NR3C2: variants seen among roughly 807,000 people sequenced by gnomAD.
NR3C2 encodes the protein mineralocorticoid receptor.
In NR3C2, 15 loss-of-function variants were observed where a neutral mutation model predicts 86.4. The observed-to-expected ratio is 0.17, with a 90% CI of 0.12 to 0.27. The LOEUF (loss-of-function observed/expected upper bound fraction) is 0.27. NR3C2 is among the 10% of genes least tolerant of loss of function. NR3C2 has a pLI of 1.00. For synonymous variants in NR3C2, 458 were observed against 450.5 expected (o/e 1.02, Z -0.21); for missense variants, 960 against 1,195.6 (o/e 0.80, Z 2.91).
chr4:148,082,345 G>A (rs1034250490), intron 8 of NR3C2, among the ~76,000 whole-genome samples: 1 of 152,192 alleles, frequency 6.6e-6, no homozygotes, highest in Admixed American at 6.5e-5. Flanking sequence ...GGTGATTGCT[G>A]CATTTCCAAC....
intron 2 of NR3C2, among the ~76,000 whole-genome samples, chr4:148,377,535 C>T (rs985485542): frequency 1.3e-5 from 2 of 152,086 alleles, no homozygotes; most frequent in Non-Finnish European, 2.9e-5. Context: ...AAGGAAAAAG[C>T]AGATGAATTT....
At chr4:148,390,168 T>G (rs974593218) in intron 2 of NR3C2, among the ~76,000 whole-genome samples, 33 of 124,560 alleles carry the variant, frequency 2.6e-4, no homozygotes, top group African/African-American at 9.9e-4. Context: ...CAGGAACCCT[T>G]CAAGTATACA....
Position 148,253,329 on chromosome 4 carries a change from C to A in NR3C2, c.1897+6649G>T, listed in dbSNP as rs183137833. Among the ~76,000 whole-genome samples the A allele has an allele frequency of 3.3e-5, 5 of 152,186 alleles. No individual in the cohort carries two copies. The East Asian group carries it at 7.7e-4, about 23-fold the overall frequency. On this transcript the variant is annotated intron_variant, in intron 3 of 8. Transcript: ENST00000358102. ...CAAGGCATAATGATAAAGAACCAAA[C>A]CTAGGATTGAAAACTGCATAGATTC...
At chr4:148,303,785 A>AG (rs1742463064) in intron 2 of NR3C2, among the ~76,000 whole-genome samples, 4 of 152,226 alleles carry the variant, frequency 2.6e-5, no homozygotes, top group Admixed American at 2.6e-4. Flanking sequence ...TCATGGATAA[A>AG]GGTCACGCTA....
chr4:148,201,455 T>C (rs779226192), intron 3 of NR3C2, among the ~76,000 whole-genome samples: 8 of 152,232 alleles, frequency 5.3e-5, no homozygotes, highest in Non-Finnish European at 7.3e-5. Context: ...GTTCCTATTA[T>C]GGATGTGAAG....
chr4:148,089,016 C>T (rs1730944416), intron 8 of NR3C2, among the ~76,000 whole-genome samples: 1 of 152,114 alleles, frequency 6.6e-6, no homozygotes, highest in African/African-American at 2.4e-5. Flanking sequence ...ATGTCACCTG[C>T]CACAAAATAA....
chr4:148,173,704 C>T (rs1299252079), intron 4 of NR3C2, among the ~76,000 whole-genome samples: 1 of 152,210 alleles, frequency 6.6e-6, no homozygotes, highest in African/African-American at 2.4e-5. Context: ...TAAACTAATT[C>T]CCACAGGAAT....
At position 148,343,306 on chromosome 4, in the gene NR3C2, T is replaced by C. The variant is rs186630036; in HGVS notation, c.1758-83189A>G. On this transcript the variant is annotated intron_variant, in intron 2 of 8. Transcript: ENST00000358102. ...TCACTTTCTGTGCCATTGAAAGAAC[T>C]GCTAAGTAAGAGGGTTTAACCCTTT... Among the ~76,000 whole-genome samples, 547 of 152,284 alleles carry C rather than the reference T, an allele frequency of 3.6e-3. 3 individuals carry two copies. Among genetic ancestry groups the C allele is most frequent in the African/African-American group, 0.013 (521 of 41,562 alleles).
rs374599298 is a variant in NR3C2, at chr4:148,198,714, A to G, written c.1898-3852T>C. 1.6e-4 allele frequency among the ~76,000 whole-genome samples: 24 copies of G among 152,240 alleles called. No individual in the cohort carries two copies. In the South Asian group the frequency reaches 3.1e-3, roughly 20 times the overall value. Reference sequence around the variant, plus strand: ...CTGGCCTGAAGAAAGAACTAAAAAAAAAAAGAAAAAACTAAAAAAAATTTA... The same window carrying G: ...CTGGCCTGAAGAAAGAACTAAAAAAGAAAAGAAAAAACTAAAAAAAATTTA... On this transcript the variant is annotated intron_variant, in intron 3 of 8. Transcript: ENST00000358102.
chr4:148,288,219 T>C (rs1579109996), intron 2 of NR3C2, among the ~76,000 whole-genome samples: 1 of 152,226 alleles, frequency 6.6e-6, no homozygotes. Flanking sequence ...CGTGTCTTTC[T>C]TGTAAGATTG....
At chr4:148,215,471 C>T (rs1445890210) in intron 3 of NR3C2, among the ~76,000 whole-genome samples, 2 of 152,168 alleles carry the variant, frequency 1.3e-5, no homozygotes, top group African/African-American at 4.8e-5. Flanking sequence ...GTATGGAGAG[C>T]TGTGGATAAA....
At chr4:148,238,268 T>C (rs755877801) in intron 3 of NR3C2, among the ~76,000 whole-genome samples, 17 of 152,172 alleles carry the variant, frequency 1.1e-4, no homozygotes, top group Non-Finnish European at 2.2e-4. Flanking sequence ...TATTTCACCA[T>C]TGGTTTGATC....
chr4:148,348,023 A>G (rs1046659575), intron 2 of NR3C2, among the ~76,000 whole-genome samples: 5 of 152,178 alleles, frequency 3.3e-5, no homozygotes, highest in Admixed American at 6.6e-5. Context: ...ATTATAAATT[A>G]TCCCAGCACC....
chr4:148,231,923 C>T (rs1323099627), intron 3 of NR3C2, among the ~76,000 whole-genome samples: 2 of 152,098 alleles, frequency 1.3e-5, no homozygotes, highest in Non-Finnish European at 2.9e-5. Context: ...AAAGCATTTC[C>T]TCATTAATTC....
intron 3 of NR3C2, among the ~76,000 whole-genome samples, chr4:148,211,572 T>C (rs932622951): frequency 6.6e-6 from 1 of 152,180 alleles, no homozygotes; most frequent in African/African-American, 2.4e-5. Flanking sequence ...AAAGAAAAAT[T>C]AGAGGAGCTT....
At chr4:148,134,733 G>C (rs1018865947) in intron 6 of NR3C2, among the ~76,000 whole-genome samples, 1 of 144,488 alleles carries the variant, frequency 6.9e-6, no homozygotes, top group Admixed American at 7.2e-5. Context: ...ACTGCAACCT[G>C]TGCCTCCCGG....
chr4:148,141,582 A>C (rs1733614001), intron 6 of NR3C2, among the ~76,000 whole-genome samples: 1 of 152,180 alleles, frequency 6.6e-6, no homozygotes, highest in Non-Finnish European at 1.5e-5. Flanking sequence ...CAAATGATTG[A>C]GATATAAAAG....
At chr4:148,297,859 A>G (rs2115800) in intron 2 of NR3C2, among the ~76,000 whole-genome samples, 1 of 151,388 alleles carries the variant, frequency 6.6e-6, no homozygotes, top group Non-Finnish European at 1.5e-5. Flanking sequence ...ATTGCACTCC[A>G]GCCTGGGCGA....
intron 8 of NR3C2, among the ~76,000 whole-genome samples, chr4:148,082,041 C>T (rs1010309308): frequency 2.0e-5 from 3 of 152,362 alleles, no homozygotes; most frequent in African/African-American, 7.2e-5. Flanking sequence ...GCACTTCCAC[C>T]TGCAGCCCCA....
Sources: gnomAD v4.1 joint callset for allele counts (sites outside exome capture counted in the v4.1 genomes callset) on GRCh38, gnomAD v4.1.1 for gene constraint, MANE v1.5 for transcripts, NCBI Gene and HGNC (gene_info 2026-07-23, HGNC 2026-07-21) for gene names.